AGMAT: variants seen among roughly 807,000 people sequenced by gnomAD.
The protein encoded by AGMAT is guanidino acid hydrolase, mitochondrial.
AGMAT carries 37 observed loss-of-function variants against 29.3 expected under a neutral mutation model. That is an observed-to-expected ratio of 1.26 (90% CI 0.97 to 1.66). The LOEUF is 1.66. Ranked by LOEUF, AGMAT falls within the 40% of genes most tolerant of loss-of-function variation. The pLI is 0.00. For synonymous variants in AGMAT, 199 were observed against 200.8 expected, an observed-to-expected ratio of 0.99 and a Z score of 0.08; for missense variants, 498 against 497.8, an observed-to-expected ratio of 1.00 and a Z score of 0.00.
At chr1:15,584,329 C>G (rs1018049391) in intron 1 of AGMAT, among the ~76,000 whole-genome samples, 6 of 150,650 alleles carry the variant, frequency 4.0e-5, no homozygotes, top group Non-Finnish European at 8.9e-5. Flanking sequence ...TTTTTTGTAC[C>G]TTTGTAGAGA....
intron 3 of AGMAT, among the ~76,000 whole-genome samples, chr1:15,579,761 C>T (rs1333225873): frequency 6.6e-6 from 1 of 152,168 alleles, no homozygotes; most frequent in Admixed American, 6.5e-5. Context: ...TGTTTTTGGC[C>T]ATTGAAGCAA....
chr1:15,584,811 G>A lies in AGMAT; in HGVS notation c.157C>T (p.Pro53Ser). 7.1e-7 allele frequency: 1 copy of A among 1,403,198 alleles called. No individual in the cohort carries two copies. The highest frequency in any genetic ancestry group is 9.2e-7 in the Non-Finnish European group (1 of 1,081,648). 86.9% of individuals were successfully genotyped at this position (1,403,198 alleles called of 1,614,324 possible). The change falls in exon 1 of 7, where the codon CCG becomes TCG. Residue 53 changes from proline (P) to serine (S), a missense_variant. Pro to Ser is a moderately conservative substitution (Grantham distance 74). Transcript: ENST00000375826. ...CGCATCATGGAGCAGACGCCCACCG[G>A]CCGGGCCACGAACTCGGGGCTGGGG... is the stretch of plus-strand genomic sequence containing the variant. ...QPPSPEFVAR[P>S]VGVCSMMRLP...
chr1:15,574,057 A>G (rs1638998346), intron 6 of AGMAT, among the ~76,000 whole-genome samples: 1 of 152,232 alleles, frequency 6.6e-6, no homozygotes, highest in Admixed American at 6.5e-5. Context: ...CTACATTAAA[A>G]TTATTGGGAT....
chr1:15,577,075 A>G (rs1215144498), intron 5 of AGMAT, among the ~76,000 whole-genome samples: 1 of 151,996 alleles, frequency 6.6e-6, no homozygotes, highest in East Asian at 1.9e-4. Flanking sequence ...AAGAGAGGAT[A>G]CTATAATGTT....
At position 15,584,878 on chromosome 1, in the gene AGMAT, G is replaced by C. The variant is rs1365705659; in HGVS notation, c.90C>G (p.Arg30=). The C allele has an allele frequency of 2.1e-6, 3 of 1,407,272 alleles. No individual in the cohort carries two copies. The South Asian group carries it at 4.6e-5, about 22-fold the overall frequency. 87.2% of individuals were successfully genotyped at this position (1,407,272 alleles called of 1,614,324 possible). A position where few individuals can be genotyped will look rare whatever the true frequency, so the allele number is the denominator to read the frequency against. ...CGTCGGAAGCCTGGCGGCTCTGGCG[G>C]CGCCCCGGATGAAAGAGCCCTGCGG... is the stretch of plus-strand genomic sequence containing the variant. ...RPAAGLFHPG[R]RQSRQASDAP... is the part of the protein sequence containing the mutation. Residue 30 remains arginine (R), a synonymous_variant, in exon 1 of 7, where the codon CGC becomes CGG. Transcript: ENST00000375826.
At chr1:15,579,098 G>T (rs755123412) in intron 3 of AGMAT, 44 bp from the exon 4 acceptor site, 1 of 1,581,324 alleles carries the variant, frequency 6.3e-7, no homozygotes, top group Admixed American at 1.7e-5. Flanking sequence ...TCCCTGTGGG[G>T]CCCTAGCACA....
intron 1 of AGMAT, 25 bp downstream of exon 1, chr1:15,584,671 C>G: frequency 7.7e-7 from 1 of 1,296,022 alleles, no homozygotes; most frequent in Non-Finnish European, 9.8e-7. Flanking sequence ...CCACGTGTAC[C>G]CGGCCCCCGT....
chr1:15,578,005 G>A, intron 4 of AGMAT, 141 bp from the exon 5 acceptor site: 1 of 797,910 alleles, frequency 1.3e-6, no homozygotes, highest in Non-Finnish European at 1.9e-6. Context: ...TTTTACAGGT[G>A]AGGAAGGGAG....
rs1639078700 is a variant in AGMAT at position 15,579,062 on chromosome 1, C to T, written c.525-8G>A. ...AGCCCCACTGGGCCATGCCTGATGACAACAGGGCAGCTCAGAGGCCAACCC... is the reference window on the plus strand; with the variant it reads ...AGCCCCACTGGGCCATGCCTGATGATAACAGGGCAGCTCAGAGGCCAACCC... On this transcript the variant is annotated splice_polypyrimidine_tract_variant and splice_region_variant and intron_variant, in intron 3 of 6. Transcript: ENST00000375826. The T allele has an allele frequency of 2.5e-6, 4 of 1,612,988 alleles. No individual in the cohort carries two copies. In the East Asian group the frequency reaches 8.9e-5, roughly 36 times the overall value.
intron 1 of AGMAT, among the ~76,000 whole-genome samples, chr1:15,584,210 T>A (rs1639152162): frequency 6.6e-6 from 1 of 152,214 alleles, no homozygotes; most frequent in Admixed American, 6.5e-5. Context: ...TGGCGCAATC[T>A]CAGCTCACTG....
chr1:15,581,807 G>A (rs997291937), intron 2 of AGMAT, among the ~76,000 whole-genome samples: 11 of 151,892 alleles, frequency 7.2e-5, no homozygotes, highest in Non-Finnish European at 1.2e-4. Context: ...CCCAGGAGGC[G>A]GAGGTTGCCG....
intron 1 of AGMAT, among the ~76,000 whole-genome samples, chr1:15,584,351 C>T (rs993409193): frequency 6.6e-6 from 1 of 151,832 alleles, no homozygotes; most frequent in African/African-American, 2.4e-5. Flanking sequence ...AGAGTTTCAC[C>T]ATGTTGGTCA....
In AGMAT at chr1:15,580,254, G is replaced by A. The variant is rs560963126; in HGVS notation, c.476-112C>T. On this transcript the variant is annotated intron_variant, in intron 2 of 6. Coordinates refer to ENST00000375826, the MANE Select transcript of AGMAT (RefSeq NM_024758.5). The stretch of plus-strand genomic sequence containing the variant: ...GTAGTTTTGCTCTGTTGTCCAGGCT[G>A]GAGTTCAATGGCACAATCTCGGCTC... 2.9e-4 allele frequency: 247 copies of A among 855,176 alleles called. 3 individuals carry two copies. The South Asian group carries it at 3.8e-3, about 13-fold the overall frequency. The allele number at this position is 855,176 out of a possible 1,614,324, so 53.0% of individuals were successfully genotyped here. A position where few individuals can be genotyped will look rare whatever the true frequency, so the allele number is the denominator to read the frequency against.
rs1638964243 is a variant in AGMAT at position 15,572,287 on chromosome 1, C to T, written c.*1364G>A. On this transcript the variant is annotated 3_prime_UTR_variant, in exon 7 of 7. Coordinates refer to ENST00000375826, the MANE Select transcript of AGMAT (RefSeq NM_024758.5). ...TGTTGGCCAGGCTGGTCTTGAACTC[C>T]TGACCTCAGGTGATCCTCCCGCCTA... 1 of 150,510 alleles carries T rather than the reference C, an allele frequency of 6.6e-6. No homozygotes were observed. The highest frequency in any genetic ancestry group is 2.4e-5 in the African/African-American group (1 of 40,882). 9.3% of individuals were successfully genotyped at this position (150,510 alleles called of 1,614,324 possible). A position where few individuals can be genotyped will look rare whatever the true frequency, so the allele number is the denominator to read the frequency against.
chr1:15,579,063 A>G lies in AGMAT; in HGVS notation c.525-9T>C, dbSNP rs1427225259. 45 of 1,613,030 alleles carry G rather than the reference A, an allele frequency of 2.8e-5. No homozygotes were observed. The highest frequency in any genetic ancestry group is 1.7e-4 in the Middle Eastern group (1 of 6,010). On this transcript the variant is annotated splice_polypyrimidine_tract_variant and intron_variant, in intron 3 of 6. Transcript: ENST00000375826. ...GCCCCACTGGGCCATGCCTGATGAC[A>G]ACAGGGCAGCTCAGAGGCCAACCCT...
chr1:15,578,844 C>T lies in AGMAT; in HGVS notation c.720+15G>A, dbSNP rs202105974. 3.3e-5 allele frequency: 53 copies of T among 1,611,526 alleles called. No homozygotes were observed. The African/African-American group carries it at 5.3e-4, about 16-fold the overall frequency. ...CATTTTGAGGGGCAAGGGTGGGGGG[C>T]ATTCGGTCTGTCACCTGGCTCCGGT... On this transcript the variant is annotated intron_variant, in intron 4 of 6. Coordinates refer to ENST00000375826, the MANE Select transcript of AGMAT (RefSeq NM_024758.5).
At chr1:15,580,373 T>C (rs1639096126) in intron 2 of AGMAT, among the ~76,000 whole-genome samples, 1 of 151,642 alleles carries the variant, frequency 6.6e-6, no homozygotes, top group Non-Finnish European at 1.5e-5. Flanking sequence ...ACCTGGCTAA[T>C]TTTGTATTTT....
chr1:15,579,320 G>A (rs1398402450), intron 3 of AGMAT, among the ~76,000 whole-genome samples: 2 of 152,148 alleles, frequency 1.3e-5, no homozygotes, highest in Admixed American at 6.6e-5. Context: ...TTAGAGACAG[G>A]ATGAGAATCA....
chr1:15,574,622 C>T (rs1639005990), intron 6 of AGMAT, 135 bp downstream of exon 6: 4 of 692,696 alleles, frequency 5.8e-6, no homozygotes, highest in Non-Finnish European at 9.9e-6. Context: ...AGGTGAGCTG[C>T]CCACCTTGGC....
Sources: allele counts gnomAD v4.1 joint callset (sites outside exome capture counted in the v4.1 genomes callset), GRCh38; gene constraint gnomAD v4.1.1; transcripts MANE v1.5; gene names NCBI Gene and HGNC (gene_info 2026-07-23, HGNC 2026-07-21).